The following POLE2 variants were observed in gnomAD, a reference collection of about 807,000 sequenced individuals.
POLE2 encodes the protein DNA polymerase epsilon subunit 2.
Under a neutral mutation model 79.4 loss-of-function variants are expected in POLE2, and 56 were observed. The ratio of observed to expected loss-of-function variants is 0.71; its 90% CI spans 0.57 to 0.88. The LOEUF is 0.88. Ranked by LOEUF, POLE2 falls within the 40% of genes least tolerant of loss-of-function variation. The pLI is 0.00. For missense variants in POLE2, 598 were observed against 638.9 expected (o/e 0.94, Z 0.69); for synonymous variants, 212 against 214.0 (o/e 0.99, Z 0.08).
At chr14:49,669,416 C>T (rs1037850930) in intron 6 of POLE2, 108 bp downstream of exon 6, 2 of 658,760 alleles carry the variant, frequency 3.0e-6, no homozygotes, top group East Asian at 2.8e-5. Flanking sequence ...GTTAGCTAAA[C>T]AGTTACCAAT....
chr14:49,647,206 A>T (rs971991797), intron 18 of POLE2, 87 bp downstream of exon 18: 4 of 725,632 alleles, frequency 5.5e-6, no homozygotes, highest in Non-Finnish European at 9.3e-6. Context: ...ATTTTCAAAA[A>T]TCCCAACACA....
chr14:49,677,222 C>A, intron 3 of POLE2: 1 of 803,880 alleles, frequency 1.2e-6, no homozygotes. Context: ...CTTTACCTCA[C>A]GGCTTACTGT....
intron 10 of POLE2, among the ~76,000 whole-genome samples, chr14:49,662,042 T>C (rs1885134625): frequency 6.6e-6 from 1 of 152,186 alleles, no homozygotes; most frequent in Non-Finnish European, 1.5e-5. Context: ...ACCATGACAA[T>C]GGCAATTTTG....
intron 5 of POLE2, among the ~76,000 whole-genome samples, chr14:49,672,864 T>C (rs758220635): frequency 2.0e-5 from 3 of 152,134 alleles, no homozygotes; most frequent in African/African-American, 4.8e-5. Flanking sequence ...CATTTTTTAC[T>C]CTATGCAGAT....
rs972085351 is a variant in POLE2, at chr14:49,688,033, C to A, written c.68+103G>T. 16 of 967,232 alleles carry A rather than the reference C, an allele frequency of 1.7e-5. No homozygotes were observed. The African/African-American group carries it at 2.5e-4, about 15-fold the overall frequency. 59.9% of individuals were successfully genotyped at this position (967,232 alleles called of 1,614,324 possible). A position where few individuals can be genotyped will look rare whatever the true frequency, so the allele number is the denominator to read the frequency against. The stretch of plus-strand genomic sequence containing the variant: ...ACTCTGAAATTTAAGGTCAAGCCCC[C>A]TCTCGGCGCGCGGGGAGCCGCCGCG... On this transcript the variant is annotated intron_variant, in intron 1 of 18. Coordinates refer to ENST00000216367, the MANE Select transcript of POLE2 (RefSeq NM_002692.4).
chr14:49,648,434 C>G (rs1209769514), intron 17 of POLE2, among the ~76,000 whole-genome samples: 1 of 152,130 alleles, frequency 6.6e-6, no homozygotes, highest in African/African-American at 2.4e-5. Flanking sequence ...TCAAATAGAG[C>G]ATTAACTAGG....
intron 3 of POLE2, among the ~76,000 whole-genome samples, chr14:49,677,128 G>A (rs567802515): frequency 2.0e-5 from 3 of 152,334 alleles, no homozygotes; most frequent in South Asian, 2.1e-4. Context: ...GCCCTGAAGC[G>A]AATCCTGTGT....
At chr14:49,664,714 A>C in intron 8 of POLE2, 40 bp from the exon 9 acceptor site, 1 of 1,262,360 alleles carries the variant, frequency 7.9e-7, no homozygotes, top group African/African-American at 1.5e-5. Flanking sequence ...TTCTTGAGGC[A>C]GTAATAAAGT....
chr14:49,680,958 TAAGCA>T (rs539259887), intron 2 of POLE2, among the ~76,000 whole-genome samples: 27 of 152,220 alleles, frequency 1.8e-4, no homozygotes, highest in Non-Finnish European at 3.1e-4. Flanking sequence ...AGGAATTTTT[TAAGCA>T]AAGGTATATG....
intron 17 of POLE2, 86 bp downstream of exon 17, chr14:49,650,179 A>C: frequency 1.5e-6 from 1 of 648,868 alleles, no homozygotes. Context: ...CTTCGACAAT[A>C]ATCTTATTAA....
chr14:49,667,971 T>G (rs909245129), intron 6 of POLE2, among the ~76,000 whole-genome samples: 2 of 152,156 alleles, frequency 1.3e-5, no homozygotes, highest in Admixed American at 1.3e-4. Flanking sequence ...GGAGTTACTC[T>G]TAAAAAATAT....
chr14:49,684,398 G>C (rs1886965296), intron 1 of POLE2: 1 of 151,830 alleles, frequency 6.6e-6, no homozygotes, highest in African/African-American at 2.4e-5. Flanking sequence ...CCGGGAGGCA[G>C]AGCTTGCAGT....
intron 6 of POLE2, among the ~76,000 whole-genome samples, chr14:49,668,598 A>G (rs775881046): frequency 2.0e-5 from 3 of 152,226 alleles, no homozygotes; most frequent in Non-Finnish European, 4.4e-5. Flanking sequence ...CATCACAGAT[A>G]CAGAATTAAG....
intron 9 of POLE2, 81 bp downstream of exon 9, chr14:49,664,545 T>C (rs1354392033): frequency 1.1e-6 from 1 of 891,098 alleles, no homozygotes; most frequent in African/African-American, 1.7e-5. Flanking sequence ...CCAAATTATA[T>C]CATGTTAACA....
chr14:49,665,067 G>T, intron 8 of POLE2, 40 bp downstream of exon 8: 1 of 916,216 alleles, frequency 1.1e-6, no homozygotes, highest in Non-Finnish European at 1.8e-6. Context: ...CCCAATTCAC[G>T]TAATGCAGAT....
chr14:49,682,288 A>G (rs1886770933), intron 2 of POLE2, among the ~76,000 whole-genome samples: 1 of 146,660 alleles, frequency 6.8e-6, no homozygotes, highest in South Asian at 2.4e-4. Context: ...TACAGGTGTT[A>G]GCCACCATGC....
chr14:49,656,313 G>T (rs1884670612), intron 10 of POLE2, among the ~76,000 whole-genome samples: 1 of 147,758 alleles, frequency 6.8e-6, no homozygotes, highest in African/African-American at 2.5e-5. Flanking sequence ...CCGAGATTGC[G>T]CCACTGCACT....
intron 8 of POLE2, 76 bp from the exon 9 acceptor site, chr14:49,664,750 G>C (rs760496473): frequency 5.0e-5 from 44 of 880,606 alleles, no homozygotes; most frequent in South Asian, 3.6e-4. Flanking sequence ...GTCCAACAAG[G>C]CTTCTAAATA....
At chr14:49,649,272 G>C (rs906469834) in intron 17 of POLE2, among the ~76,000 whole-genome samples, 4 of 139,752 alleles carry the variant, frequency 2.9e-5, no homozygotes, top group Non-Finnish European at 4.6e-5. Flanking sequence ...TCAGCCTCCC[G>C]AGTAGCTGGG....
Sources: gnomAD v4.1 joint callset for allele counts (sites outside exome capture counted in the v4.1 genomes callset) on GRCh38, gnomAD v4.1.1 for gene constraint, MANE v1.5 for transcripts, NCBI Gene and HGNC (gene_info 2026-07-23, HGNC 2026-07-21) for gene names.